The following R3HCC1L variants were observed in gnomAD, a reference collection of about 807,000 sequenced individuals.
R3HCC1L encodes R3H domain and coiled-coil containing 1 like.
A neutral mutation model predicts 59.9 loss-of-function variants in R3HCC1L; 51 were observed. The observed-to-expected ratio is 0.85, with a 90% CI of 0.68 to 1.07. R3HCC1L has a LOEUF of 1.07. Ranked by LOEUF, R3HCC1L falls within the 50% of genes least tolerant of loss-of-function variation. R3HCC1L has a pLI of 0.00. For synonymous variants in R3HCC1L, 322 were observed against 315.2 expected (o/e 1.02, Z -0.23); for missense variants, 965 against 933.0 (o/e 1.03, Z -0.45).
At chr10:98,206,630 G>C (rs764394034) in intron 4 of R3HCC1L, among the ~76,000 whole-genome samples, 3 of 151,728 alleles carry the variant, frequency 2.0e-5, no homozygotes, top group Non-Finnish European at 4.4e-5. Flanking sequence ...TTAATCTTTT[G>C]TGAGTCCACT....
At chr10:98,179,590 G>A (rs1443700289) in intron 4 of R3HCC1L, among the ~76,000 whole-genome samples, 1 of 152,144 alleles carries the variant, frequency 6.6e-6, no homozygotes, top group Admixed American at 6.5e-5. Flanking sequence ...AATGAGTTAG[G>A]GAGGATTCCC....
At chr10:98,170,707 G>A (rs1213608477) in intron 4 of R3HCC1L, among the ~76,000 whole-genome samples, 1 of 152,142 alleles carries the variant, frequency 6.6e-6, no homozygotes, top group Non-Finnish European at 1.5e-5. Context: ...GCCACCAGAG[G>A]GTGAAGTCCA....
intron 7 of R3HCC1L, among the ~76,000 whole-genome samples, chr10:98,234,727 C>T (rs970503716): frequency 6.6e-6 from 1 of 152,148 alleles, no homozygotes. Context: ...GAGTCAACAC[C>T]TTCCAAGGTT....
intron 9 of R3HCC1L, among the ~76,000 whole-genome samples, chr10:98,239,910 A>G (rs1365134438): frequency 6.6e-6 from 1 of 152,074 alleles, no homozygotes; most frequent in African/African-American, 2.4e-5. Context: ...TGCCTAGGCT[A>G]GTCTCAAACT....
At chr10:98,162,521 C>G (rs1461078232) in intron 2 of R3HCC1L, among the ~76,000 whole-genome samples, 2 of 152,138 alleles carry the variant, frequency 1.3e-5, no homozygotes, top group Non-Finnish European at 2.9e-5. Context: ...TATTGCATTT[C>G]TTTGCTAACT....
chr10:98,197,932 A>G (rs1289136190), intron 4 of R3HCC1L, among the ~76,000 whole-genome samples: 1 of 152,144 alleles, frequency 6.6e-6, no homozygotes, highest in African/African-American at 2.4e-5. Flanking sequence ...GTGGTAATGG[A>G]GCTAAATTAT....
chr10:98,153,134 G>C (rs867813820), intron 1 of R3HCC1L, among the ~76,000 whole-genome samples: 1 of 152,180 alleles, frequency 6.6e-6, no homozygotes, highest in Non-Finnish European at 1.5e-5. Flanking sequence ...CATTGAGAAC[G>C]GGCCATGATG....
chr10:98,136,674 A>G (rs1844617170), intron 1 of R3HCC1L, among the ~76,000 whole-genome samples: 1 of 152,130 alleles, frequency 6.6e-6, no homozygotes, highest in Non-Finnish European at 1.5e-5. Context: ...CATCTCTATT[A>G]AAAGTACAAA....
intron 6 of R3HCC1L, 83 bp from the exon 7 acceptor site, chr10:98,234,363 A>G (rs1856690008): frequency 8.0e-7 from 1 of 1,244,728 alleles, no homozygotes; most frequent in Non-Finnish European, 1.2e-6. Flanking sequence ...ATCTTGTGAA[A>G]TGCTTTATGA....
In R3HCC1L at chr10:98,208,588, T is replaced by G. The variant is rs778651453; in HGVS notation, c.474T>G (p.His158Gln). The G allele has an allele frequency of 6.2e-7, 1 of 1,614,028 alleles. No individual in the cohort carries two copies. Among genetic ancestry groups the G allele is most frequent in the South Asian group, 1.1e-5 (1 of 91,060 alleles). ...LEVETTDVTG[H>Q]ERILLSQACL... The stretch of plus-strand genomic sequence containing the variant: ...TTGAAACTACGGATGTGACAGGACA[T>G]GAGAGGATACTTCTTTCACAGGCCT... Residue 158 changes from histidine to glutamine, a missense_variant, in exon 5 of 10, where the codon CAT (histidine) becomes CAG (glutamine). Transcript: ENST00000298999.
intron 5 of R3HCC1L, among the ~76,000 whole-genome samples, chr10:98,228,829 G>A (rs1442955077): frequency 5.9e-5 from 9 of 152,194 alleles, no homozygotes; most frequent in South Asian, 2.1e-4. Context: ...AGCACCATTT[G>A]TTAAATAGGG....
chr10:98,145,824 C>T (rs1158721674), intron 1 of R3HCC1L, among the ~76,000 whole-genome samples: 1 of 152,014 alleles, frequency 6.6e-6, no homozygotes, highest in Non-Finnish European at 1.5e-5. Context: ...TGGTGCATGC[C>T]TGTGATCCCA....
chr10:98,184,794 G>T (rs1331328101), intron 4 of R3HCC1L, among the ~76,000 whole-genome samples: 1 of 152,082 alleles, frequency 6.6e-6, no homozygotes, highest in Non-Finnish European at 1.5e-5. Flanking sequence ...TTTAAGCAGG[G>T]TAGATTTTGT....
chr10:98,225,910 G>C (rs913374111), intron 5 of R3HCC1L, among the ~76,000 whole-genome samples: 3 of 151,810 alleles, frequency 2.0e-5, no homozygotes, highest in African/African-American at 4.8e-5. Flanking sequence ...GCACAGTCTT[G>C]GCTCACTGCA....
At chr10:98,188,808 A>G (rs1470778837) in intron 4 of R3HCC1L, among the ~76,000 whole-genome samples, 5 of 152,192 alleles carry the variant, frequency 3.3e-5, no homozygotes, top group Non-Finnish European at 7.4e-5. Flanking sequence ...CAGAGTATCT[A>G]GATTAGGATC....
chr10:98,166,910 C>T (rs893895812), intron 4 of R3HCC1L, among the ~76,000 whole-genome samples: 10 of 152,194 alleles, frequency 6.6e-5, no homozygotes, highest in Non-Finnish European at 1.2e-4. Flanking sequence ...CCTGATCTGC[C>T]CACCTCAGCC....
chr10:98,162,528 A>G (rs1403021200), intron 2 of R3HCC1L, among the ~76,000 whole-genome samples: 3 of 152,212 alleles, frequency 2.0e-5, no homozygotes, highest in Non-Finnish European at 2.9e-5. Context: ...TTTCTTTGCT[A>G]ACTGATGAGT....
chr10:98,141,162 G>A (rs142533371), intron 1 of R3HCC1L, among the ~76,000 whole-genome samples: 1 of 152,150 alleles, frequency 6.6e-6, no homozygotes, highest in East Asian at 1.9e-4. Flanking sequence ...TTGGCACTTA[G>A]GTACTTTCAT....
Position 98,202,779 on chromosome 10 carries a change from C to T in R3HCC1L, c.-14-5322C>T, listed in dbSNP as rs371449552. Among the ~76,000 whole-genome samples the T allele has an allele frequency of 3.3e-5, 5 of 152,028 alleles. No individual in the cohort carries two copies. The South Asian group carries it at 1.0e-3, about 32-fold the overall frequency. Reference sequence around the variant, plus strand: ...ACTGAGGCAGGAGAATCACTTGAACCTGCGAGGCGGAGGTTACAGTGAGCT... The same window carrying T: ...ACTGAGGCAGGAGAATCACTTGAACTTGCGAGGCGGAGGTTACAGTGAGCT... On this transcript the variant is annotated intron_variant, in intron 4 of 9. Coordinates refer to ENST00000298999, the MANE Select transcript of R3HCC1L (RefSeq NM_001351015.2).
Sources: allele counts gnomAD v4.1 joint callset (sites outside exome capture counted in the v4.1 genomes callset), GRCh38; gene constraint gnomAD v4.1.1; transcripts MANE v1.5; gene names NCBI Gene and HGNC (gene_info 2026-07-23, HGNC 2026-07-21).